The following RFX2 variants were observed in gnomAD, a reference collection of about 807,000 sequenced individuals.
The protein encoded by RFX2 is DNA-binding protein RFX2.
RFX2 carries 20 observed loss-of-function variants against 87.8 expected under a neutral mutation model. That is an observed-to-expected ratio of 0.23 (90% CI 0.16 to 0.33). The LOEUF (loss-of-function observed/expected upper bound fraction) is 0.33, where lower values mean the gene tolerates loss of function less well. Ranked by LOEUF, RFX2 falls within the 10% of genes least tolerant of loss-of-function variation. The probability of loss-of-function intolerance (pLI) is 1.00; values close to 1 mark genes in which losing one functional copy is unlikely to be tolerated. For synonymous variants in RFX2, 397 were observed against 431.3 expected (o/e 0.92, Z 0.98); for missense variants, 767 against 1,012.3 (o/e 0.76, Z 3.29).
intron 1 of RFX2, among the ~76,000 whole-genome samples, chr19:6,092,324 G>C (rs966211329): frequency 1.3e-5 from 2 of 152,138 alleles, no homozygotes; most frequent in African/African-American, 4.8e-5. Flanking sequence ...CCCTAAACCC[G>C]GGCCATGGCA....
chr19:6,002,492 C>T lies in RFX2; in HGVS notation c.1650+229G>A, dbSNP rs1479839969. ...TGGGGGCCTTTGTGAGGAAAATGAG[C>T]AGAAGTGTTGGCCACAGCGCCTGGA... On this transcript the variant is annotated intron_variant, in intron 14 of 17. Coordinates refer to ENST00000303657, the MANE Select transcript of RFX2 (RefSeq NM_000635.4). The surrounding 1 kb of genome is among the most constrained non-coding windows in gnomAD (Gnocchi z 6.7). Among the ~76,000 whole-genome samples, 1 of 152,178 alleles carries T rather than the reference C, an allele frequency of 6.6e-6. No homozygotes were observed. Among genetic ancestry groups the T allele is most frequent in the Non-Finnish European group, 1.5e-5 (1 of 68,032 alleles).
chr19:6,090,120 C>A (rs747560029), intron 1 of RFX2, among the ~76,000 whole-genome samples: 5 of 152,026 alleles, frequency 3.3e-5, no homozygotes, highest in Non-Finnish European at 5.9e-5. Flanking sequence ...CACCACCACA[C>A]CTGGCTATTT....
chr19:6,076,004 C>G (rs1033683450), intron 1 of RFX2, among the ~76,000 whole-genome samples: 11 of 152,158 alleles, frequency 7.2e-5, no homozygotes, highest in Non-Finnish European at 8.8e-5. Context: ...TACACAGCGT[C>G]ACCCCTTTAC....
Position 6,027,844 on chromosome 19 carries a change from T to C in RFX2, c.523-1607A>G, listed in dbSNP as rs1384740781. 6.6e-6 allele frequency among the ~76,000 whole-genome samples: 1 copy of C among 152,246 alleles called. No individual in the cohort carries two copies. Among genetic ancestry groups the C allele is most frequent in the Non-Finnish European group, 1.5e-5 (1 of 68,052 alleles). On this transcript the variant is annotated intron_variant, in intron 5 of 17. Coordinates refer to ENST00000303657, the MANE Select transcript of RFX2 (RefSeq NM_000635.4). This position sits in a 1 kb window ranked among gnomAD's most constrained non-coding sequence, Gnocchi z 5.0. ...GATGTGATCTCGGCTCAGGGCCACC[T>C]CTGCCTCCTAGGCTCAAGTGATTCT...
Position 6,024,934 on chromosome 19 carries a change from C to G in RFX2, c.597+1229G>C, listed in dbSNP as rs377324337. 5.0e-3 allele frequency among the ~76,000 whole-genome samples: 529 copies of G among 105,432 alleles called. No homozygotes were observed. The highest frequency in any genetic ancestry group is 0.016 in the South Asian group (46 of 2,882). The allele number at this position is 105,432 out of a possible 152,430, so 69.2% of individuals were successfully genotyped here. A position where few individuals can be genotyped will look rare whatever the true frequency, so the allele number is the denominator to read the frequency against. The stretch of plus-strand genomic sequence containing the variant: ...ACGGGATCACGGTGAGGACGGGAGT[C>G]AGGACGGGATCACGGTGAGGACGGG... On this transcript the variant is annotated intron_variant, in intron 6 of 17. Coordinates refer to ENST00000303657, the MANE Select transcript of RFX2 (RefSeq NM_000635.4). This position sits in a 1 kb window ranked among gnomAD's most constrained non-coding sequence, Gnocchi z 5.0.
In RFX2 at chr19:6,012,968, G is replaced by T; in HGVS notation, c.899+18C>A. ...TCCAGGGGAGAGCCAGCTCCTCCCAGCTCGGCCCGGCACCCACCTGGGCTT... is the reference window on the plus strand; with the variant it reads ...TCCAGGGGAGAGCCAGCTCCTCCCATCTCGGCCCGGCACCCACCTGGGCTT... On this transcript the variant is annotated intron_variant, in intron 8 of 17. Coordinates refer to ENST00000303657, the MANE Select transcript of RFX2 (RefSeq NM_000635.4). This position sits in a 1 kb window ranked among gnomAD's most constrained non-coding sequence, Gnocchi z 4.6. 6.6e-7 allele frequency: 1 copy of T among 1,503,920 alleles called. No individual in the cohort carries two copies. Among genetic ancestry groups the T allele is most frequent in the Non-Finnish European group, 8.9e-7 (1 of 1,125,286 alleles). 93.2% of individuals were successfully genotyped at this position (1,503,920 alleles called of 1,614,324 possible).
intron 1 of RFX2, among the ~76,000 whole-genome samples, chr19:6,054,038 C>T (rs2087299109): frequency 6.9e-6 from 1 of 145,350 alleles, no homozygotes; most frequent in Non-Finnish European, 1.5e-5. Context: ...GAAAAGAAAA[C>T]CCAAATTGCC....
intron 1 of RFX2, among the ~76,000 whole-genome samples, chr19:6,081,473 A>T (rs2087784744): frequency 6.6e-6 from 1 of 152,292 alleles, no homozygotes; most frequent in African/African-American, 2.4e-5. Flanking sequence ...TTTAGTTAAC[A>T]TGAAAGTAAA....
rs141049264 is a variant in RFX2, at chr19:6,021,316, G to A, written c.597+4847C>T. Among the ~76,000 whole-genome samples the A allele has an allele frequency of 4.5e-3, 688 of 152,292 alleles. 4 individuals are homozygous for A. Among genetic ancestry groups the A allele is most frequent in the Non-Finnish European group, 7.6e-3 (519 of 68,028 alleles). On this transcript the variant is annotated intron_variant, in intron 6 of 17. Transcript: ENST00000303657. The surrounding 1 kb of genome is among the most constrained non-coding windows in gnomAD (Gnocchi z 5.7). ...CTTGTTTAGGTGCTGGGGATGCAAC[G>A]GCGAATAAAAGACAAAAACCCCTGC...
At chr19:6,081,004 C>G (rs970516149) in intron 1 of RFX2, among the ~76,000 whole-genome samples, 1 of 147,472 alleles carries the variant, frequency 6.8e-6, no homozygotes. Context: ...CCATTGCATA[C>G]CAGCCTGGGC....
Position 6,039,921 on chromosome 19 carries a change from G to C in RFX2, c.522+59C>G, listed in dbSNP as rs1487671906. Reference sequence around the variant, plus strand: ...CTGCCTCTTACTCACCATCCCTGCTGCCGCTGCTTCGAGAATACTCATGGC... The same window carrying C: ...CTGCCTCTTACTCACCATCCCTGCTCCCGCTGCTTCGAGAATACTCATGGC... On this transcript the variant is annotated intron_variant, in intron 5 of 17. Coordinates refer to ENST00000303657, the MANE Select transcript of RFX2 (RefSeq NM_000635.4). This position sits in a 1 kb window ranked among gnomAD's most constrained non-coding sequence, Gnocchi z 5.2. 1.4e-6 allele frequency: 2 copies of C among 1,469,744 alleles called. No individual in the cohort carries two copies. The highest frequency in any genetic ancestry group is 2.8e-5 in the African/African-American group (2 of 71,378). 91.0% of individuals were successfully genotyped at this position (1,469,744 alleles called of 1,614,324 possible). A position where few individuals can be genotyped will look rare whatever the true frequency, so the allele number is the denominator to read the frequency against.
chr19:6,001,876 C>T lies in RFX2; in HGVS notation c.1798G>A (p.Ala600Thr). The part of the protein sequence containing the change: ...SVVTQVLKQH[A>T]GSPSFPKAAR... ...GCCTTGGGGAAGCTGGGGCTGCCGGCATGCTGCTTCAGGACCTGGGTGACC... is the reference window on the plus strand; with the variant it reads ...GCCTTGGGGAAGCTGGGGCTGCCGGTATGCTGCTTCAGGACCTGGGTGACC... The change falls in exon 15 of 18, where the codon GCC becomes ACC. Residue 600 changes from alanine (A) to threonine (T), a missense_variant. Ala to Thr is a moderately conservative substitution (Grantham distance 58). Around this residue, in one of 2 missense-constraint regions of RFX2, gnomAD observed 621 missense variants for 873.0 expected, o/e 0.71. Coordinates refer to ENST00000303657, the MANE Select transcript of RFX2 (RefSeq NM_000635.4). This position sits in a 1 kb window ranked among gnomAD's most constrained non-coding sequence, Gnocchi z 5.6. The T allele has an allele frequency of 3.1e-6, 5 of 1,613,110 alleles. No individual in the cohort carries two copies. The highest frequency in any genetic ancestry group is 4.2e-6 in the Non-Finnish European group (5 of 1,179,754).
At chr19:6,028,040 G>A (rs766227642) in intron 5 of RFX2, among the ~76,000 whole-genome samples, 1 of 152,098 alleles carries the variant, frequency 6.6e-6, no homozygotes, top group Non-Finnish European at 1.5e-5. Context: ...GGGATTACAG[G>A]CATAAGCTAC....
At position 5,997,104 on chromosome 19, in the gene RFX2, C is replaced by G; in HGVS notation, c.1969G>C (p.Val657Leu). ...EYMFYLVEHR[V>L]AEATGETPIA... ...GGCGTCTCTCCGGTGGCCTCCGCGA[C>G]GCGGTGCTCCACCAGGTAGAACATG... Residue 657 changes from valine to leucine, a missense_variant, in exon 16 of 18, where the codon GTC (valine) becomes CTC (leucine). Coordinates refer to ENST00000303657, the MANE Select transcript of RFX2 (RefSeq NM_000635.4). This position sits in a 1 kb window ranked among gnomAD's most constrained non-coding sequence, Gnocchi z 4.2. 6.2e-7 allele frequency: 1 copy of G among 1,613,450 alleles called. No homozygotes were observed. Among genetic ancestry groups the G allele is most frequent in the Non-Finnish European group, 8.5e-7 (1 of 1,179,990 alleles).
chr19:6,042,419 A>G (rs945719779), intron 3 of RFX2, among the ~76,000 whole-genome samples: 3 of 151,866 alleles, frequency 2.0e-5, no homozygotes, highest in Admixed American at 2.0e-4. Context: ...GAGAATGACA[A>G]CGCTCCTCCA....
intron 12 of RFX2, among the ~76,000 whole-genome samples, chr19:6,005,738 C>A (rs1465338578): frequency 6.6e-6 from 1 of 152,166 alleles, no homozygotes; most frequent in Non-Finnish European, 1.5e-5. Flanking sequence ...TAAAGGTCAG[C>A]CTCTACCCTA....
chr19:6,004,925 C>T lies in RFX2; in HGVS notation c.1403-627G>A, dbSNP rs2086558787. On this transcript the variant is annotated intron_variant, in intron 12 of 17. Coordinates refer to ENST00000303657, the MANE Select transcript of RFX2 (RefSeq NM_000635.4). The surrounding 1 kb of genome is among the most constrained non-coding windows in gnomAD (Gnocchi z 4.8). Reference sequence around the variant, plus strand: ...CCTGAGGTCCGGAGTTCGAGACCAGCCTGGCCAACATGGTGAAACCCTATC... The same window carrying T: ...CCTGAGGTCCGGAGTTCGAGACCAGTCTGGCCAACATGGTGAAACCCTATC... 6.6e-6 allele frequency among the ~76,000 whole-genome samples: 1 copy of T among 152,012 alleles called. No individual in the cohort carries two copies. The highest frequency in any genetic ancestry group is 2.1e-4 in the South Asian group (1 of 4,820).
chr19:6,049,428 T>C (rs984877033), intron 1 of RFX2, among the ~76,000 whole-genome samples: 7 of 152,254 alleles, frequency 4.6e-5, no homozygotes, highest in Non-Finnish European at 8.8e-5. Context: ...TGGGGATAAA[T>C]GGCGAGACCG....
intron 2 of RFX2, among the ~76,000 whole-genome samples, chr19:6,046,562 C>CA (rs1568523304): frequency 1.3e-4 from 19 of 145,148 alleles, no homozygotes; most frequent in African/African-American, 4.7e-4. Context: ...CCGTCCCCCC[C>CA]CAAAAAAAAA....
Sources: allele counts gnomAD v4.1 joint callset (sites outside exome capture counted in the v4.1 genomes callset), GRCh38; gene constraint gnomAD v4.1.1; regional missense constraint gnomAD v4.1.1; non-coding constraint Gnocchi (gnomAD v3.1); transcripts MANE v1.5; gene names NCBI Gene and HGNC (gene_info 2026-07-23, HGNC 2026-07-21).